Variants in SLC6A18 observed in about 807,000 individuals in gnomAD.
The protein encoded by SLC6A18 is solute carrier family 6 member 18, also known as inactive sodium-dependent neutral amino acid transporter B(0)AT3.
Under a neutral mutation model 62.9 loss-of-function variants are expected in SLC6A18, and 58 were observed. That is an observed-to-expected ratio of 0.92 (90% confidence interval 0.75 to 1.15). The LOEUF is 1.15. SLC6A18 is among the 50% of genes most tolerant of loss of function. The pLI, the probability that SLC6A18 is intolerant of heterozygous loss-of-function variation, is 0.00. For missense variants in SLC6A18, 793 were observed against 836.6 expected, an observed-to-expected ratio of 0.95 and a Z score of 0.64; for synonymous variants, 382 against 365.8, an observed-to-expected ratio of 1.04 and a Z score of -0.51.
In SLC6A18 at chr5:1,241,072, G is replaced by C. The variant is rs895809128; in HGVS notation, c.974+413G>C. Among the ~76,000 whole-genome samples, 8 of 152,194 alleles carry C rather than the reference G, an allele frequency of 5.3e-5. No individual in the cohort carries two copies. The highest frequency in any genetic ancestry group is 1.9e-4 in the African/African-American group (8 of 41,442). On this transcript the variant is annotated intron_variant, in intron 7 of 11. Coordinates refer to ENST00000324642, the MANE Select transcript of SLC6A18 (RefSeq NM_182632.3). The surrounding 1 kb of genome is among the most constrained non-coding windows in gnomAD (Gnocchi z 7.8). ...CCCGTGCAGGCTCAGGAGGGGCGCG[G>C]CCTGGCCACACTGGGATTTCAGATG...
Position 1,225,622 on chromosome 5 carries a change from C to T in SLC6A18, c.145C>T (p.Gln49Ter). 1 of 1,593,026 alleles carries T rather than the reference C, an allele frequency of 6.3e-7. No individual in the cohort carries two copies. The highest frequency in any genetic ancestry group is 1.2e-5 in the South Asian group (1 of 86,942). Reference sequence around the variant, plus strand: ...CATTTGGCGGTTCCCATACCTGTGCCAGACCTATGGAGGAGGTAAGCACCC... The same window carrying T: ...CATTTGGCGGTTCCCATACCTGTGCTAGACCTATGGAGGAGGTAAGCACCC... The part of the protein sequence containing the change: ...GNIWRFPYLC[Q>*]TYGGGAFLIP... The change falls in exon 1 of 12, where the codon CAG (glutamine) becomes TAG (stop). Residue 49 changes from glutamine to a stop codon, truncating the protein, a stop_gained. Coordinates refer to ENST00000324642, the MANE Select transcript of SLC6A18 (RefSeq NM_182632.3). LOFTEE classifies it high-confidence loss of function.
At position 1,232,238 on chromosome 5, in the gene SLC6A18, C is replaced by T. The variant is rs145648313; in HGVS notation, c.180C>T (p.Tyr60=). Residue 60 remains tyrosine (Y), a synonymous_variant, in exon 2 of 12, where the codon TAC becomes TAT. Coordinates refer to ENST00000324642, the MANE Select transcript of SLC6A18 (RefSeq NM_182632.3). ...TCACAGGGGCCTTCCTCATCCCCTA[C>T]GTCATCGCGCTGGTCTTCGAGGGGA... ...TYGGGAFLIP[Y]VIALVFEGIP... is the part of the protein sequence containing the mutation. 1.4e-5 allele frequency: 22 copies of T among 1,612,682 alleles called. No homozygotes were observed. The highest frequency in any genetic ancestry group is 5.5e-5 in the South Asian group (5 of 90,732).
intron 1 of SLC6A18, among the ~76,000 whole-genome samples, chr5:1,227,945 C>A (rs548253475): frequency 6.6e-6 from 1 of 152,168 alleles, no homozygotes; most frequent in East Asian, 1.9e-4. Flanking sequence ...TGTCCACACA[C>A]GTGAGGTCAC....
chr5:1,245,100 C>T (rs1747185525), intron 11 of SLC6A18, among the ~76,000 whole-genome samples: 1 of 152,198 alleles, frequency 6.6e-6, no homozygotes, highest in Admixed American at 6.5e-5. Flanking sequence ...GCTTCATCCT[C>T]CCTGCCTGTG....
chr5:1,242,488 C>T (rs1256394675), intron 7 of SLC6A18, among the ~76,000 whole-genome samples: 5 of 116,512 alleles, frequency 4.3e-5, no homozygotes, highest in South Asian at 6.8e-4. Context: ...GGCGTCCACA[C>T]GATCCCAACA....
chr5:1,239,071 G>C (rs1242699887), intron 5 of SLC6A18, among the ~76,000 whole-genome samples: 1 of 152,240 alleles, frequency 6.6e-6, no homozygotes, highest in Admixed American at 6.5e-5. Context: ...GCCAGGCTCC[G>C]TGCATGGCAT....
Position 1,225,482 on chromosome 5 carries a change from C to T in SLC6A18, c.5C>T (p.Ala2Val). 6.2e-7 allele frequency: 1 copy of T among 1,611,580 alleles called. No individual in the cohort carries two copies. Among genetic ancestry groups the T allele is most frequent in the Non-Finnish European group, 8.5e-7 (1 of 1,179,152 alleles). The change falls in exon 1 of 12, where the codon GCT becomes GTT. Residue 2 changes from alanine to valine, a missense_variant. By Grantham distance (64) the Ala-to-Val change is moderately conservative. Coordinates refer to ENST00000324642, the MANE Select transcript of SLC6A18 (RefSeq NM_182632.3). ...AGCCTGGGGCACTCAGTCACCATGG[C>T]TCATGCCCCAGAACCGGACCCGGCC... M[A>V]HAPEPDPAAC...
intron 7 of SLC6A18, among the ~76,000 whole-genome samples, chr5:1,242,111 C>T (rs1211473157): frequency 6.6e-6 from 1 of 152,172 alleles, no homozygotes; most frequent in African/African-American, 2.4e-5. Context: ...CCCAGCAAAC[C>T]TTCAGAAGCC....
rs915308204 is a variant in SLC6A18, at chr5:1,239,517, T to C, written c.800T>C (p.Leu267Pro). 6.2e-7 allele frequency: 1 copy of C among 1,614,186 alleles called. No homozygotes were observed. Among genetic ancestry groups the C allele is most frequent in the Non-Finnish European group, 8.5e-7 (1 of 1,180,010 alleles). Residue 267 changes from leucine (L) to proline (P), a missense_variant, in exon 6 of 12, where the codon CTG (leucine) becomes CCG (proline). Leu to Pro is a moderately conservative substitution (Grantham distance 98, BLOSUM62 -3). Coordinates refer to ENST00000324642, the MANE Select transcript of SLC6A18 (RefSeq NM_182632.3). ...ACCCAGATATTCTTCTCTCTGTCCC[T>C]GGCCTTCGGAGGACACATCGCTTTT... is the stretch of plus-strand genomic sequence containing the variant. The part of the protein sequence containing the change: ...AATQIFFSLS[L>P]AFGGHIAFAS...
chr5:1,244,485 C>A, intron 10 of SLC6A18, 112 bp downstream of exon 10: 2 of 1,551,196 alleles, frequency 1.3e-6, no homozygotes, highest in Non-Finnish European at 1.7e-6. Flanking sequence ...GAATGTTCTG[C>A]CCTGGGGAGC....
chr5:1,238,642 A>AGCCAGGGGC (rs1746965910), intron 5 of SLC6A18, among the ~76,000 whole-genome samples: 1 of 28,050 alleles, frequency 3.6e-5, no homozygotes, highest in Admixed American at 2.9e-4. Context: ...AGCCTGGAGG[A>AGCCAGGGGC]CTCAGGAAAG....
intron 10 of SLC6A18, 87 bp downstream of exon 10, chr5:1,244,460 T>A: frequency 6.4e-7 from 1 of 1,571,880 alleles, no homozygotes; most frequent in South Asian, 1.2e-5. Context: ...AACCCGCAGC[T>A]GCCCAGACCG....
At chr5:1,239,007 C>T (rs1258849441) in intron 5 of SLC6A18, among the ~76,000 whole-genome samples, 1 of 152,210 alleles carries the variant, frequency 6.6e-6, no homozygotes, top group Non-Finnish European at 1.5e-5. Flanking sequence ...GCATGTCTGC[C>T]CGGAGTCCTA....
At position 1,243,130 on chromosome 5, in the gene SLC6A18, C is replaced by T. The variant is rs34156553; in HGVS notation, c.1131+267C>T. Among the ~76,000 whole-genome samples, 6,714 of 152,224 alleles carry T rather than the reference C, an allele frequency of 0.044. 223 individuals are homozygous for T. The highest frequency in any genetic ancestry group is 0.061 in the Non-Finnish European group (4,119 of 67,990). ...CCCGAGAGAGTGGGCATTGCTGGTG[C>T]CCAGACCCCAGGAGAGGGGGTGGCC... On this transcript the variant is annotated intron_variant, in intron 8 of 11. Coordinates refer to ENST00000324642, the MANE Select transcript of SLC6A18 (RefSeq NM_182632.3). This position sits in a 1 kb window ranked among gnomAD's most constrained non-coding sequence, Gnocchi z 6.5.
intron 4 of SLC6A18, among the ~76,000 whole-genome samples, chr5:1,237,235 T>TC (rs1289015598): frequency 5.4e-4 from 53 of 97,520 alleles, no homozygotes; most frequent in Middle Eastern, 5.4e-3. Context: ...AGCAAGACTC[T>TC]GTCTCAAAAA....
At chr5:1,244,873 G>T (rs778506127) in intron 11 of SLC6A18, 106 bp downstream of exon 11, 4 of 1,317,092 alleles carry the variant, frequency 3.0e-6, no homozygotes, top group East Asian at 2.4e-5. Context: ...GCACATTCAC[G>T]TGCTAGTGAC....
chr5:1,245,834 C>T lies in SLC6A18; in HGVS notation c.1657-14C>T. 6.3e-7 allele frequency: 1 copy of T among 1,599,898 alleles called. No homozygotes were observed. The highest frequency in any genetic ancestry group is 8.5e-7 in the Non-Finnish European group (1 of 1,173,944). ...GGGTGGCCGGCGCCAGCTAATGAGG[C>T]TGTGGTCCCGCAGGAGCTGTTCCCC... On this transcript the variant is annotated splice_polypyrimidine_tract_variant and intron_variant, in intron 11 of 11. Coordinates refer to ENST00000324642, the MANE Select transcript of SLC6A18 (RefSeq NM_182632.3).
chr5:1,238,235 T>C (rs4975606), intron 5 of SLC6A18, among the ~76,000 whole-genome samples, 175 bp downstream of exon 5: 4,890 of 84,566 alleles, frequency 0.058, 266 homozygotes, highest in Non-Finnish European at 0.087. Context: ...AGGGGGGCCT[T>C]AGGAAAGAGG....
In SLC6A18 at chr5:1,245,785, C is replaced by T. The variant is rs1747200364; in HGVS notation, c.1657-63C>T. Reference sequence around the variant, plus strand: ...GGCTCTTGCCCCTTGGATTGAGGAGCACGGGGGTCAGCCTCACGGCCCAGG... The same window carrying T: ...GGCTCTTGCCCCTTGGATTGAGGAGTACGGGGGTCAGCCTCACGGCCCAGG... On this transcript the variant is annotated intron_variant, in intron 11 of 11. Transcript: ENST00000324642. 6 of 1,499,858 alleles carry T rather than the reference C, an allele frequency of 4.0e-6. No homozygotes were observed. The African/African-American group carries it at 4.2e-5, about 10-fold the overall frequency. The allele number at this position is 1,499,858 out of a possible 1,614,324, so 92.9% of individuals were successfully genotyped here.
Sources: allele counts gnomAD v4.1 joint callset (sites outside exome capture counted in the v4.1 genomes callset), GRCh38; gene constraint gnomAD v4.1.1; non-coding constraint Gnocchi (gnomAD v3.1); transcripts MANE v1.5; gene names NCBI Gene and HGNC (gene_info 2026-07-23, HGNC 2026-07-21).